The following GTPBP4 variants were observed in gnomAD, a reference collection of about 807,000 sequenced individuals.
GTPBP4 encodes the protein GTP-binding protein 4.
A neutral mutation model predicts 81.7 loss-of-function variants in GTPBP4; 15 were observed. That is an observed-to-expected ratio of 0.18 (90% CI 0.12 to 0.28). The LOEUF is 0.28. GTPBP4 is among the 10% of genes least tolerant of loss of function. GTPBP4 has a pLI of 1.00. For synonymous variants in GTPBP4, 272 were observed against 274.6 expected (o/e 0.99, Z 0.09); for missense variants, 847 against 793.8 (o/e 1.07, Z -0.81).
In GTPBP4 at chr10:1,019,360, G is replaced by A. The variant is rs1208652195; in HGVS notation, c.*2133G>A. The A allele has an allele frequency of 4.6e-5, 26 of 570,496 alleles. No individual in the cohort carries two copies. The highest frequency in any genetic ancestry group is 7.3e-5 in the Non-Finnish European group (24 of 327,210). The allele number at this position is 570,496 out of a possible 1,614,324, so 35.3% of individuals were successfully genotyped here. A position where few individuals can be genotyped will look rare whatever the true frequency, so the allele number is the denominator to read the frequency against. On this transcript the variant is annotated 3_prime_UTR_variant, in exon 17 of 17. Transcript: ENST00000360803. ...TAAGGAAAAGGGAAAATGAAGATAT[G>A]ACAAAGTTGATGAAAAGGTTGAAAT...
At chr10:1,008,253 A>T in intron 10 of GTPBP4, 1 of 413,296 alleles carries the variant, frequency 2.4e-6, no homozygotes, top group Non-Finnish European at 4.7e-6. Flanking sequence ...TCTCTGCTAA[A>T]ACTACGAAAA....
intron 13 of GTPBP4, among the ~76,000 whole-genome samples, chr10:1,011,610 A>G (rs1831875758): frequency 6.6e-6 from 1 of 152,150 alleles, no homozygotes; most frequent in South Asian, 2.1e-4. Flanking sequence ...TGGTTCCCAC[A>G]GGCCCTCCGT....
In GTPBP4 at chr10:996,014, C is replaced by G. The variant is rs1407796647; in HGVS notation, c.305C>G (p.Ala102Gly). 1.9e-6 allele frequency: 3 copies of G among 1,606,716 alleles called. No individual in the cohort carries two copies. The highest frequency in any genetic ancestry group is 2.6e-6 in the Non-Finnish European group (3 of 1,173,500). The change falls in exon 3 of 17, where the codon GCC becomes GGC. Residue 102 changes from alanine (A) to glycine (G), a missense_variant. This residue lies in a region of GTPBP4 where 241 missense variants were observed against 216.3 expected (regional missense o/e 1.11). Transcript: ENST00000360803. The stretch of plus-strand genomic sequence containing the variant: ...TTGGCTCTGGGGCAAATAAATATTG[C>G]CAAAAATTTAGTGGACAAGTAAGGT... ...YKLALGQINI[A>G]KNLVDNVAKD...
In GTPBP4 at chr10:998,560, A is replaced by T. The variant is rs575576798; in HGVS notation, c.562-443A>T. Among the ~76,000 whole-genome samples, 13 of 152,236 alleles carry T rather than the reference A, an allele frequency of 8.5e-5. No individual in the cohort carries two copies. In the East Asian group the frequency reaches 2.3e-3, roughly 27 times the overall value. The stretch of plus-strand genomic sequence containing the variant: ...GCTCTGAGCCAGTGCTCTGTGGCCG[A>T]TTTGGTGGCCACTGCACTGGGTGGC... On this transcript the variant is annotated intron_variant, in intron 5 of 16. Coordinates refer to ENST00000360803, the MANE Select transcript of GTPBP4 (RefSeq NM_012341.3).
At position 1,008,981 on chromosome 10, in the gene GTPBP4, A is replaced by G; in HGVS notation, c.1137A>G (p.Glu379=). The G allele has an allele frequency of 6.2e-7, 1 of 1,612,390 alleles. No homozygotes were observed. The highest frequency in any genetic ancestry group is 1.1e-5 in the South Asian group (1 of 91,044). The part of the protein sequence containing the change: ...DDKERPPFIP[E]GVVARRKRME... Reference sequence around the variant, plus strand: ...AGGAGAGGCCCCCTTTCATCCCTGAAGGAGTGGTGGCTCGCAGGAAGAGGA... The same window carrying G: ...AGGAGAGGCCCCCTTTCATCCCTGAGGGAGTGGTGGCTCGCAGGAAGAGGA... Residue 379 remains glutamate (E), a synonymous_variant, in exon 11 of 17, where the codon GAA becomes GAG. Transcript: ENST00000360803.
At position 1,018,590 on chromosome 10, in the gene GTPBP4, C is replaced by A. The variant is rs1168636941; in HGVS notation, c.*1363C>A. ...TTGGGAGGCCGAGGCAGGCGGATCA[C>A]GAGGTCAGGAGATCGAGACCATCCT... On this transcript the variant is annotated 3_prime_UTR_variant, in exon 17 of 17. Coordinates refer to ENST00000360803, the MANE Select transcript of GTPBP4 (RefSeq NM_012341.3). The A allele has an allele frequency of 6.6e-6, 1 of 151,764 alleles. No homozygotes were observed. The highest frequency in any genetic ancestry group is 2.4e-5 in the African/African-American group (1 of 41,276). The allele number at this position is 151,764 out of a possible 1,614,324, so 9.4% of individuals were successfully genotyped here. A position where few individuals can be genotyped will look rare whatever the true frequency, so the allele number is the denominator to read the frequency against.
chr10:999,056 G>A lies in GTPBP4; in HGVS notation c.615G>A (p.Leu205=). 3 of 1,607,038 alleles carry A rather than the reference G, an allele frequency of 1.9e-6. No homozygotes were observed. The highest frequency in any genetic ancestry group is 2.2e-5 in the South Asian group (2 of 90,908). Residue 205 remains leucine, a synonymous_variant, in exon 6 of 17, where the codon CTG becomes CTA. Transcript: ENST00000360803. ...CCTATGCGTTCACAACCAAGTCTCT[G>A]TTTGTTGGGCACATGGATTATAAGT... ...VQPYAFTTKS[L]FVGHMDYKYL... is the part of the protein sequence containing the mutation.
chr10:1,010,470 A>G lies in GTPBP4; in HGVS notation c.1294A>G (p.Ile432Val). 6.3e-7 allele frequency: 1 copy of G among 1,586,448 alleles called. No homozygotes were observed. Among genetic ancestry groups the G allele is most frequent in the East Asian group, 2.2e-5 (1 of 44,804 alleles). ...TGAAAAACATGATAAGATACCAGAAATCTGGGAAGGCCATAATATAGCTGA... is the reference window on the plus strand; with the variant it reads ...TGAAAAACATGATAAGATACCAGAAGTCTGGGAAGGCCATAATATAGCTGA... Reference protein sequence around the residue: ...LSEKHDKIPEIWEGHNIADYI... With the variant: ...LSEKHDKIPEVWEGHNIADYI... The change falls in exon 13 of 17, where the codon ATC (isoleucine) becomes GTC (valine). Residue 432 changes from isoleucine (I) to valine (V), a missense_variant. By Grantham distance (29) the Ile-to-Val change is conservative. Transcript: ENST00000360803.
At chr10:1,006,376 C>T (rs111632665) in intron 9 of GTPBP4, among the ~76,000 whole-genome samples, 8 of 152,286 alleles carry the variant, frequency 5.3e-5, no homozygotes, top group South Asian at 2.1e-4. Flanking sequence ...CAGTGGCTCA[C>T]GCCTGTAATC....
rs1419615875 is a variant in GTPBP4 at position 1,000,992 on chromosome 10, T to G, written c.891T>G (p.Ala297=). 1 of 1,606,782 alleles carries G rather than the reference T, an allele frequency of 6.2e-7. No individual in the cohort carries two copies. Among genetic ancestry groups the G allele is most frequent in the Non-Finnish European group, 8.5e-7 (1 of 1,173,310 alleles). The change falls in exon 8 of 17, where the codon GCT becomes GCG. Residue 297 remains alanine (A), a synonymous_variant. Coordinates refer to ENST00000360803, the MANE Select transcript of GTPBP4 (RefSeq NM_012341.3). The part of the protein sequence containing the change: ...VANKCDVKRI[A]ELSEDDQKIF... ...ACAAATGTGATGTGAAGAGAATAGC[T>G]GAACTTTCTGAAGATGATCAGGTAA...
Position 1,010,309 on chromosome 10 carries a change from C to A in GTPBP4, c.1244-111C>A, listed in dbSNP as rs569955446. The A allele has an allele frequency of 4.0e-5, 27 of 669,764 alleles. No homozygotes were observed. In the South Asian group the frequency reaches 4.7e-4, roughly 12 times the overall value. The allele number at this position is 669,764 out of a possible 1,614,324, so 41.5% of individuals were successfully genotyped here. A position where few individuals can be genotyped will look rare whatever the true frequency, so the allele number is the denominator to read the frequency against. On this transcript the variant is annotated intron_variant, in intron 12 of 16. Transcript: ENST00000360803. ...CATGTGGAATTGCACGTCGTGCTCT[C>A]TTCTGCAGTGGAGTCGTTGATTTGC...
chr10:996,224 T>A lies in GTPBP4; in HGVS notation c.442T>A (p.Leu148Met). The A allele has an allele frequency of 6.2e-7, 1 of 1,612,982 alleles. No homozygotes were observed. Among genetic ancestry groups the A allele is most frequent in the Non-Finnish European group, 8.5e-7 (1 of 1,179,470 alleles). ...AGTGATCAAGAGGCAGAAGCAGAGTTTGGAGTATTTGGAGCAAGGTGCTTG... is the reference window on the plus strand; with the variant it reads ...AGTGATCAAGAGGCAGAAGCAGAGTATGGAGTATTTGGAGCAAGGTGCTTG... ...CTVIKRQKQS[L>M]EYLEQVRQHL... is the part of the protein sequence containing the mutation. The change falls in exon 4 of 17, where the codon TTG becomes ATG. Residue 148 changes from leucine (L) to methionine (M), a missense_variant. By Grantham distance (15) the Leu-to-Met change is conservative (BLOSUM62 2). Transcript: ENST00000360803.
In GTPBP4 at chr10:1,019,393, T is replaced by TGAA; in HGVS notation, c.*2166_*2167insGAA. The TGAA allele has an allele frequency of 1.5e-6, 1 of 654,730 alleles. No homozygotes were observed. The highest frequency in any genetic ancestry group is 2.0e-5 in the South Asian group (1 of 49,418). The allele number at this position is 654,730 out of a possible 1,614,324, so 40.6% of individuals were successfully genotyped here. A position where few individuals can be genotyped will look rare whatever the true frequency, so the allele number is the denominator to read the frequency against. On this transcript the variant is annotated 3_prime_UTR_variant, in exon 17 of 17. Coordinates refer to ENST00000360803, the MANE Select transcript of GTPBP4 (RefSeq NM_012341.3). ...TGATGAAAAGGTTGAAATAGTGATT[T>TGAA]ATACATGATGGGCAATCAAGTGCCC...
At chr10:1,001,644 T>C (rs1215021754) in intron 8 of GTPBP4, among the ~76,000 whole-genome samples, 1 of 151,104 alleles carries the variant, frequency 6.6e-6, no homozygotes, top group Non-Finnish European at 1.5e-5. Flanking sequence ...CATTGATCCA[T>C]TGGTCATTCT....
In GTPBP4 at chr10:995,922, G is replaced by C; in HGVS notation, c.220-7G>C. ...AAGTGACCGTGGTGTGCTTTTGTTT[G>C]TTACAGGATATTCATCCGTTCTATG... On this transcript the variant is annotated splice_polypyrimidine_tract_variant and splice_region_variant and intron_variant, in intron 2 of 16. Coordinates refer to ENST00000360803, the MANE Select transcript of GTPBP4 (RefSeq NM_012341.3). 6.5e-7 allele frequency: 1 copy of C among 1,546,724 alleles called. No individual in the cohort carries two copies. Among genetic ancestry groups the C allele is most frequent in the Non-Finnish European group, 8.9e-7 (1 of 1,121,318 alleles).
At chr10:996,976 G>A in intron 4 of GTPBP4, 1 of 509,490 alleles carries the variant, frequency 2.0e-6, no homozygotes, top group South Asian at 2.4e-5. Context: ...CGTGGGCTTA[G>A]AAGGGCTGAG....
chr10:1,008,034 T>C, intron 10 of GTPBP4: 1 of 480,082 alleles, frequency 2.1e-6, no homozygotes, highest in Non-Finnish European at 4.2e-6. Flanking sequence ...TTTGAACTAT[T>C]AACATATATT....
Position 992,641 on chromosome 10 carries a change from A to G in GTPBP4, c.201A>G (p.Thr67=), listed in dbSNP as rs774693661. 6.2e-7 allele frequency: 1 copy of G among 1,605,588 alleles called. No homozygotes were observed. The highest frequency in any genetic ancestry group is 1.1e-5 in the South Asian group (1 of 89,802). ...NYHDRLSQIL[T]DFPKLDDIHP... ...ATGATAGACTTTCACAAATTCTAAC[A>G]GATTTCCCCAAATTGGATGTAAGTG... The change falls in exon 2 of 17, where the codon ACA becomes ACG. Residue 67 remains threonine (T), a synonymous_variant. Coordinates refer to ENST00000360803, the MANE Select transcript of GTPBP4 (RefSeq NM_012341.3).
intron 13 of GTPBP4, 114 bp from the exon 14 acceptor site, chr10:1,012,351 A>G: frequency 1.4e-6 from 1 of 704,656 alleles, no homozygotes; most frequent in South Asian, 1.9e-5. Context: ...GGACCAGGGC[A>G]ATCGCTCTCC....
Sources: allele counts gnomAD v4.1 joint callset (sites outside exome capture counted in the v4.1 genomes callset), GRCh38; gene constraint gnomAD v4.1.1; regional missense constraint gnomAD v4.1.1; transcripts MANE v1.5; gene names NCBI Gene and HGNC (gene_info 2026-07-23, HGNC 2026-07-21).